The following LRPPRC variants were observed in gnomAD, a reference collection of about 807,000 sequenced individuals.
LRPPRC encodes leucine rich pentatricopeptide repeat containing.
In LRPPRC, 120 loss-of-function variants were observed where a neutral mutation model predicts 180.3. The observed-to-expected ratio is 0.67, with a 90% confidence interval of 0.57 to 0.77. The LOEUF is 0.77. Ranked by LOEUF, LRPPRC falls within the 30% of genes least tolerant of loss-of-function variation. The pLI, the probability that LRPPRC is intolerant of heterozygous loss-of-function variation, is 0.00. For synonymous variants in LRPPRC, 723 were observed against 600.0 expected (o/e 1.21, Z -3.00); for missense variants, 2,012 against 1,657.2 (o/e 1.21, Z -3.72).
chr2:43,963,690 G>C lies in LRPPRC; in HGVS notation c.1386C>G (p.Leu462=). ...GTACTCCCAATTCTTGCATTCCTTT[G>C]AGGATTTCAATTATACCTACCAAAT... ...EKNVQGIIEI[L]KGMQELGVHP... Residue 462 remains leucine (L), a synonymous_variant, in exon 12 of 38, where the codon CTC becomes CTG. Coordinates refer to ENST00000260665, the MANE Select transcript of LRPPRC (RefSeq NM_133259.4). The C allele has an allele frequency of 6.3e-7, 1 of 1,577,770 alleles. No homozygotes were observed.
intron 25 of LRPPRC, among the ~76,000 whole-genome samples, chr2:43,929,472 G>A (rs1672007643): frequency 6.6e-6 from 1 of 152,106 alleles, no homozygotes; most frequent in Non-Finnish European, 1.5e-5. Context: ...AAATAAGATA[G>A]ACTAGAATCT....
intron 35 of LRPPRC, 45 bp from the exon 36 acceptor site, chr2:43,894,674 C>CA: frequency 1.1e-6 from 1 of 922,802 alleles, no homozygotes; most frequent in Non-Finnish European, 1.8e-6. Context: ...CGCAAATTAA[C>CA]AGTGAATTAG....
intron 27 of LRPPRC, among the ~76,000 whole-genome samples, chr2:43,921,073 G>A (rs1417400965): frequency 3.3e-5 from 5 of 152,078 alleles, no homozygotes; most frequent in African/African-American, 9.7e-5. Context: ...AGGCAGATTA[G>A]TTGAGGCCAG....
chr2:43,979,292 C>A (rs533332268), intron 3 of LRPPRC, among the ~76,000 whole-genome samples: 1 of 152,182 alleles, frequency 6.6e-6, no homozygotes, highest in Admixed American at 6.5e-5. Context: ...ACATACTGGT[C>A]TACACCTTAA....
At chr2:43,972,926 G>A (rs140362113) in intron 11 of LRPPRC, among the ~76,000 whole-genome samples, 5 of 152,224 alleles carry the variant, frequency 3.3e-5, no homozygotes, top group East Asian at 1.9e-4. Context: ...ATCTTTTTAT[G>A]AGACTACTCT....
chr2:43,946,147 T>C lies in LRPPRC; in HGVS notation c.2176A>G (p.Lys726Glu), dbSNP rs371271406. ...TTCAAGTTCAAGGCATCTTCTACTT[T>C]ATCATGTCGACAGCATAAATTTATT... Reference protein sequence around the residue: ...ALINLCCRHDKVEDALNLKEE... With the variant: ...ALINLCCRHDEVEDALNLKEE... The change falls in exon 21 of 38, where the codon AAA becomes GAA. Residue 726 changes from lysine (K) to glutamate (E), a missense_variant. Coordinates refer to ENST00000260665, the MANE Select transcript of LRPPRC (RefSeq NM_133259.4). The C allele has an allele frequency of 3.0e-5, 48 of 1,612,490 alleles. No individual in the cohort carries two copies. Among genetic ancestry groups the C allele is most frequent in the East Asian group, 2.2e-5 (1 of 44,804 alleles).
intron 25 of LRPPRC, among the ~76,000 whole-genome samples, chr2:43,928,193 CACT>C (rs1671957401): frequency 6.6e-6 from 1 of 152,160 alleles, no homozygotes; most frequent in African/African-American, 2.4e-5. Context: ...AGTTGCAATT[CACT>C]ACTAGGTTTA....
At chr2:43,977,339 AC>A (rs1345071054) in intron 3 of LRPPRC, 63 bp from the exon 4 acceptor site, 5 of 1,312,344 alleles carry the variant, frequency 3.8e-6, no homozygotes, top group Non-Finnish European at 5.5e-6. Context: ...TTTAAAGTGG[AC>A]CTAAATTTAA....
chr2:43,991,375 TGA>T (rs1257639684), intron 1 of LRPPRC, among the ~76,000 whole-genome samples: 1 of 152,148 alleles, frequency 6.6e-6, no homozygotes, highest in Non-Finnish European at 1.5e-5. Context: ...TTTTCTAAAA[TGA>T]GAGTTTTCTA....
intron 23 of LRPPRC, among the ~76,000 whole-genome samples, chr2:43,936,298 T>A (rs1190575951): frequency 2.0e-5 from 3 of 152,188 alleles, no homozygotes; most frequent in African/African-American, 7.2e-5. Flanking sequence ...CACATTATGC[T>A]TTATTAAAAG....
intron 14 of LRPPRC, among the ~76,000 whole-genome samples, chr2:43,952,754 G>A (rs1259383929): frequency 6.6e-6 from 1 of 152,120 alleles, no homozygotes; most frequent in Non-Finnish European, 1.5e-5. Context: ...TTGGTAAGGC[G>A]ATGTAAAATA....
At chr2:43,954,212 C>T (rs17031776) in intron 14 of LRPPRC, among the ~76,000 whole-genome samples, 39,680 of 152,006 alleles carry the variant, frequency 0.26, 5,686 homozygotes, top group African/African-American at 0.37. Context: ...TCACATGTGA[C>T]AGTGTATAGA....
chr2:43,991,025 T>A (rs781082380), intron 1 of LRPPRC, among the ~76,000 whole-genome samples: 1 of 145,470 alleles, frequency 6.9e-6, no homozygotes, highest in Non-Finnish European at 1.5e-5. Flanking sequence ...TATGTATAGA[T>A]ACTTTTATTT....
chr2:43,933,003 C>G (rs190551026), intron 25 of LRPPRC, among the ~76,000 whole-genome samples: 67 of 152,258 alleles, frequency 4.4e-4, no homozygotes, highest in Admixed American at 7.2e-4. Flanking sequence ...ACTCAATAGC[C>G]AGACAGCTCT....
chr2:43,913,556 T>A (rs1364420744), intron 29 of LRPPRC, among the ~76,000 whole-genome samples: 1 of 152,230 alleles, frequency 6.6e-6, no homozygotes, highest in Non-Finnish European at 1.5e-5. Context: ...CATTAGTCCC[T>A]TAATTAAACT....
intron 20 of LRPPRC, 49 bp downstream of exon 20, chr2:43,947,208 C>T: frequency 2.4e-6 from 2 of 836,592 alleles, no homozygotes; most frequent in Non-Finnish European, 3.9e-6. Flanking sequence ...CTTATTGTTA[C>T]CAAGAATTTT....
At chr2:43,923,481 C>T (rs1671769096) in intron 27 of LRPPRC, among the ~76,000 whole-genome samples, 1 of 152,110 alleles carries the variant, frequency 6.6e-6, no homozygotes, top group African/African-American at 2.4e-5. Flanking sequence ...GACCCTGTCT[C>T]AAAAACAAAG....
At chr2:43,992,578 A>G (rs1395031892) in intron 1 of LRPPRC, among the ~76,000 whole-genome samples, 1 of 152,246 alleles carries the variant, frequency 6.6e-6, no homozygotes, top group East Asian at 1.9e-4. Context: ...TGATCAAATT[A>G]TCAGGGAGAC....
chr2:43,889,913 A>C, intron 36 of LRPPRC, 37 bp from the exon 37 acceptor site: 4 of 1,501,758 alleles, frequency 2.7e-6, no homozygotes, highest in Non-Finnish European at 2.8e-6. Context: ...TCAGAGATAA[A>C]GACAACCTAT....
Sources: gnomAD v4.1 joint callset for allele counts (sites outside exome capture counted in the v4.1 genomes callset) on GRCh38, gnomAD v4.1.1 for gene constraint, MANE v1.5 for transcripts, NCBI Gene and HGNC (gene_info 2026-07-23, HGNC 2026-07-21) for gene names.